EXOC6B: variants seen among roughly 807,000 people sequenced by gnomAD.
The protein encoded by EXOC6B is SEC15 homolog B.
Under a neutral mutation model 113.5 loss-of-function variants are expected in EXOC6B, and 54 were observed. The ratio of observed to expected loss-of-function variants is 0.48; its 90% confidence interval spans 0.38 to 0.60. The LOEUF is 0.60. EXOC6B is among the 20% of genes least tolerant of loss of function. The pLI, the probability that EXOC6B is intolerant of heterozygous loss-of-function variation, is 0.00. For synonymous variants in EXOC6B, 357 were observed against 339.0 expected (o/e 1.05, Z -0.58); for missense variants, 797 against 977.5 (o/e 0.82, Z 2.46).
At chr2:72,757,633 T>C (rs892255814) in intron 1 of EXOC6B, among the ~76,000 whole-genome samples, 2 of 152,218 alleles carry the variant, frequency 1.3e-5, no homozygotes, top group African/African-American at 2.4e-5. Context: ...TTTCATAGCA[T>C]GTACACCCTA....
chr2:72,289,281 T>C (rs1011049165), intron 20 of EXOC6B, among the ~76,000 whole-genome samples: 2 of 152,220 alleles, frequency 1.3e-5, no homozygotes, highest in Non-Finnish European at 2.9e-5. Context: ...TTCATGAGTA[T>C]ATTCACTTTG....
rs997617639 is a variant in EXOC6B, at chr2:72,741,591, C to T, written c.114-122G>A. On this transcript the variant is annotated intron_variant, in intron 1 of 21. Transcript: ENST00000272427. ...ACAAAATAATCCAACTGTATATTAA[C>T]ATGCCTTATTGTTAAATGAGTATTT... 31 of 765,238 alleles carry T rather than the reference C, an allele frequency of 4.1e-5. 1 individual carries two copies. The East Asian group carries it at 8.4e-4, about 21-fold the overall frequency. 47.4% of individuals were successfully genotyped at this position (765,238 alleles called of 1,614,324 possible). A position where few individuals can be genotyped will look rare whatever the true frequency, so the allele number is the denominator to read the frequency against.
At chr2:72,776,199 C>T (rs947841585) in intron 1 of EXOC6B, among the ~76,000 whole-genome samples, 2 of 152,108 alleles carry the variant, frequency 1.3e-5, no homozygotes, top group African/African-American at 4.8e-5. Flanking sequence ...GAAACCAATA[C>T]TACATATCTA....
chr2:72,256,444 C>T (rs1047660203), intron 20 of EXOC6B, among the ~76,000 whole-genome samples: 1 of 152,116 alleles, frequency 6.6e-6, no homozygotes, highest in Non-Finnish European at 1.5e-5. Context: ...TTGATCTTTG[C>T]AATTGCTGCT....
intron 7 of EXOC6B, among the ~76,000 whole-genome samples, chr2:72,563,673 A>G (rs1704009309): frequency 6.6e-6 from 1 of 152,160 alleles, no homozygotes; most frequent in Non-Finnish European, 1.5e-5. Context: ...ATATTAGATG[A>G]TGAGGTGAAA....
chr2:72,819,451 A>G (rs957533034), intron 1 of EXOC6B, among the ~76,000 whole-genome samples: 1 of 152,124 alleles, frequency 6.6e-6, no homozygotes, highest in Admixed American at 6.5e-5. Flanking sequence ...AGGACGGAGT[A>G]TATCACAATC....
chr2:72,442,563 G>C (rs1313748205), intron 18 of EXOC6B, among the ~76,000 whole-genome samples: 1 of 152,112 alleles, frequency 6.6e-6, no homozygotes, highest in East Asian at 1.9e-4. Context: ...CAAAATCAAT[G>C]TATAAAAATC....
chr2:72,808,428 T>TCA (rs371709776), intron 1 of EXOC6B, among the ~76,000 whole-genome samples: 2 of 151,924 alleles, frequency 1.3e-5, no homozygotes, highest in Middle Eastern at 3.4e-3. Flanking sequence ...TCTAGAGAAA[T>TCA]CACACACACA....
At chr2:72,421,713 C>T (rs1694875774) in intron 18 of EXOC6B, among the ~76,000 whole-genome samples, 1 of 152,254 alleles carries the variant, frequency 6.6e-6, no homozygotes, top group African/African-American at 2.4e-5. Context: ...TCTGCCTGGG[C>T]TCCCACTTTG....
At chr2:72,199,201 A>C (rs1679346223) in intron 20 of EXOC6B, among the ~76,000 whole-genome samples, 1 of 152,112 alleles carries the variant, frequency 6.6e-6, no homozygotes, top group African/African-American at 2.4e-5. Context: ...GGAAGATTGG[A>C]AATTCTATTT....
chr2:72,799,941 T>A (rs1685190212), intron 1 of EXOC6B, among the ~76,000 whole-genome samples: 1 of 152,084 alleles, frequency 6.6e-6, no homozygotes, highest in African/African-American at 2.4e-5. Flanking sequence ...GGCATGCACC[T>A]GTAGTCCCAG....
intron 18 of EXOC6B, among the ~76,000 whole-genome samples, chr2:72,394,767 G>A (rs994308675): frequency 1.3e-5 from 2 of 152,090 alleles, no homozygotes; most frequent in Admixed American, 6.6e-5. Context: ...AAAAGGTCAT[G>A]ATGAAATAAT....
At chr2:72,319,070 A>C (rs1375591999) in intron 20 of EXOC6B, among the ~76,000 whole-genome samples, 1 of 151,958 alleles carries the variant, frequency 6.6e-6, no homozygotes, top group East Asian at 1.9e-4. Flanking sequence ...AATAATTTAC[A>C]TTAAGGAGTA....
chr2:72,251,461 A>G (rs1233996502), intron 20 of EXOC6B, among the ~76,000 whole-genome samples: 3 of 152,210 alleles, frequency 2.0e-5, no homozygotes, highest in African/African-American at 7.2e-5. Context: ...CATCCATTCC[A>G]CTGTTATTCA....
At chr2:72,626,811 CTTTT>C in intron 6 of EXOC6B, among the ~76,000 whole-genome samples, 1 of 152,076 alleles carries the variant, frequency 6.6e-6, no homozygotes, top group South Asian at 2.1e-4. Context: ...GAGAAAACCC[CTTTT>C]TTGTTTTTAT....
rs986298142 is a variant in EXOC6B, at chr2:72,265,833, T to A, written c.2196+69114A>T. ...AGATCCCTGAGGAATCACCACACTG[T>A]CTTCCACAATGGTTGAACCGGTTTA... On this transcript the variant is annotated intron_variant, in intron 20 of 21. Coordinates refer to ENST00000272427, the MANE Select transcript of EXOC6B (RefSeq NM_015189.3). Among the ~76,000 whole-genome samples the A allele has an allele frequency of 2.3e-3, 353 of 152,306 alleles. 4 individuals are homozygous for A. Among genetic ancestry groups the A allele is most frequent in the Non-Finnish European group, 2.7e-3 (185 of 68,034 alleles).
intron 20 of EXOC6B, among the ~76,000 whole-genome samples, chr2:72,249,948 C>T (rs1414739935): frequency 6.6e-6 from 1 of 152,154 alleles, no homozygotes; most frequent in Non-Finnish European, 1.5e-5. Context: ...TAAGGGGTAA[C>T]TCAATCCTGA....
At chr2:72,241,672 CT>C (rs1290622046) in intron 20 of EXOC6B, among the ~76,000 whole-genome samples, 1 of 151,978 alleles carries the variant, frequency 6.6e-6, no homozygotes, top group African/African-American at 2.4e-5. Context: ...TTACATCTGA[CT>C]TTTCTCAGAA....
intron 7 of EXOC6B, among the ~76,000 whole-genome samples, chr2:72,567,326 A>G (rs1002871647): frequency 1.3e-5 from 2 of 152,032 alleles, no homozygotes; most frequent in African/African-American, 4.8e-5. Context: ...TAATAACTTT[A>G]TTGCTTTTAG....
Sources: gnomAD v4.1 joint callset for allele counts (sites outside exome capture counted in the v4.1 genomes callset) on GRCh38, gnomAD v4.1.1 for gene constraint, MANE v1.5 for transcripts, NCBI Gene and HGNC (gene_info 2026-07-23, HGNC 2026-07-21) for gene names.